The following ABR variants were observed in gnomAD, a reference collection of about 807,000 sequenced individuals.
The protein encoded by ABR is active breakpoint cluster region-related protein.
In ABR, 35 loss-of-function variants were observed where a neutral mutation model predicts 107.2. The ratio of observed to expected loss-of-function variants is 0.33; its 90% CI spans 0.25 to 0.43. The LOEUF (loss-of-function observed/expected upper bound fraction) is 0.43, where lower values mean the gene tolerates loss of function less well. ABR is among the 20% of genes least tolerant of loss of function. The pLI, the probability that ABR is intolerant of heterozygous loss-of-function variation, is 1.00. For missense variants in ABR, 815 were observed against 1,115.2 expected (o/e 0.73, Z 3.83); for synonymous variants, 498 against 462.0 (o/e 1.08, Z -1.00).
At chr17:1,090,493 G>A (rs1198868355) in intron 4 of ABR, among the ~76,000 whole-genome samples, 5 of 152,178 alleles carry the variant, frequency 3.3e-5, no homozygotes, top group Non-Finnish European at 7.3e-5. Flanking sequence ...AGGAAAAGGC[G>A]GCTGTGAGCA....
chr17:1,011,619 T>C lies in ABR; in HGVS notation c.2101+227A>G. The C allele has an allele frequency of 2.4e-6, 1 of 423,836 alleles. No homozygotes were observed. Among genetic ancestry groups the C allele is most frequent in the East Asian group, 3.7e-5 (1 of 27,036 alleles). 26.3% of individuals were successfully genotyped at this position (423,836 alleles called of 1,614,324 possible). On this transcript the variant is annotated intron_variant, in intron 19 of 22. Coordinates refer to ENST00000302538, the MANE Select transcript of ABR (RefSeq NM_021962.5). The surrounding 1 kb of genome is among the most constrained non-coding windows in gnomAD (Gnocchi z 4.8). ...CCAAAACCTACAAGTTGGGTCATCC[T>C]GGGCAAGTGAGTCGGCCCTTGTGAG... is the stretch of plus-strand genomic sequence containing the variant.
intron 1 of ABR, among the ~76,000 whole-genome samples, chr17:1,226,362 T>C (rs577231803): frequency 7.9e-5 from 12 of 152,332 alleles, no homozygotes; most frequent in Admixed American, 3.9e-4. Context: ...CACATGTATG[T>C]GGCAGTGTGC....
At chr17:1,088,795 G>A (rs1212852793) in intron 4 of ABR, among the ~76,000 whole-genome samples, 1 of 151,700 alleles carries the variant, frequency 6.6e-6, no homozygotes, top group East Asian at 1.9e-4. Flanking sequence ...CACCATGTTG[G>A]CCAAGCTGGT....
chr17:1,077,369 G>A (rs746917775), intron 6 of ABR, among the ~76,000 whole-genome samples: 8 of 152,278 alleles, frequency 5.3e-5, no homozygotes, highest in Admixed American at 3.3e-4. Flanking sequence ...TCACTGAGTC[G>A]AAGCTTCCTT....
chr17:1,108,914 A>T (rs759531204), intron 2 of ABR: 6 of 1,568,058 alleles, frequency 3.8e-6, no homozygotes, highest in East Asian at 2.5e-5. Context: ...CCCAGCGCCC[A>T]GGGCGTGTCA....
intron 2 of ABR, chr17:1,115,501 G>T (rs907237435): frequency 6.6e-6 from 1 of 152,540 alleles, no homozygotes; most frequent in African/African-American, 2.4e-5. Flanking sequence ...TGCCAGGGCA[G>T]TTGCAGCCAC....
chr17:1,179,797 G>T lies in ABR; in HGVS notation c.-70C>A. 1 of 440,284 alleles carries T rather than the reference G, an allele frequency of 2.3e-6. No individual in the cohort carries two copies. Among genetic ancestry groups the T allele is most frequent in the South Asian group, 2.2e-5 (1 of 46,362 alleles). The allele number at this position is 440,284 out of a possible 1,614,324, so 27.3% of individuals were successfully genotyped here. On this transcript the variant is annotated 5_prime_UTR_variant, in exon 1 of 23. Transcript: ENST00000302538. This position sits in a 1 kb window ranked among gnomAD's most constrained non-coding sequence, Gnocchi z 4.9. Reference sequence around the variant, plus strand: ...CGCAACAAAGGAGGGAGAGCGGGCGGGAGCCGGGGGAGGCCGAAGTTGCGA... The same window carrying T: ...CGCAACAAAGGAGGGAGAGCGGGCGTGAGCCGGGGGAGGCCGAAGTTGCGA...
At chr17:1,212,006 C>T (rs897407803) in intron 1 of ABR, among the ~76,000 whole-genome samples, 1 of 151,682 alleles carries the variant, frequency 6.6e-6, no homozygotes, top group East Asian at 1.9e-4. Flanking sequence ...TGCTTGAACT[C>T]GGGAGGTGGA....
Position 1,079,171 on chromosome 17 carries a change from C to T in ABR, c.700+159G>A, listed in dbSNP as rs865923994. ...TAGAGTCCTCGCGTGCGCGCACACG[C>T]GCACTCAGCTCACACTCACACGCGC... On this transcript the variant is annotated intron_variant, in intron 6 of 22. Coordinates refer to ENST00000302538, the MANE Select transcript of ABR (RefSeq NM_021962.5). 90 of 1,463,794 alleles carry T rather than the reference C, an allele frequency of 6.1e-5. 1 individual carries two copies. In the African/African-American group the frequency reaches 7.4e-4, roughly 12 times the overall value. 90.7% of individuals were successfully genotyped at this position (1,463,794 alleles called of 1,614,324 possible). A position where few individuals can be genotyped will look rare whatever the true frequency, so the allele number is the denominator to read the frequency against.
rs1219598445 is a variant in ABR at position 1,154,027 on chromosome 17, G to C, written c.61+25640C>G. 6.4e-6 allele frequency: 1 copy of C among 156,262 alleles called. No homozygotes were observed. 9.7% of individuals were successfully genotyped at this position (156,262 alleles called of 1,614,324 possible). A position where few individuals can be genotyped will look rare whatever the true frequency, so the allele number is the denominator to read the frequency against. On this transcript the variant is annotated intron_variant, in intron 1 of 22. Coordinates refer to ENST00000302538, the MANE Select transcript of ABR (RefSeq NM_021962.5). This position sits in a 1 kb window ranked among gnomAD's most constrained non-coding sequence, Gnocchi z 4.0. ...CTCACATGGCTCTGCTCCCACTCGG[G>C]GGCGGGCGCGTGGGAGGACCAACGA...
intron 1 of ABR, among the ~76,000 whole-genome samples, chr17:1,159,413 G>A (rs79512641): frequency 3.5e-5 from 3 of 85,540 alleles, no homozygotes; most frequent in African/African-American, 9.2e-5. Flanking sequence ...GTAGGAATGC[G>A]GTACTCACAC....
At chr17:1,132,553 A>G (rs1003724619) in intron 1 of ABR, among the ~76,000 whole-genome samples, 1 of 151,694 alleles carries the variant, frequency 6.6e-6, no homozygotes, top group Non-Finnish European at 1.5e-5. Flanking sequence ...TAATTGTTGT[A>G]TTTTTAGTAA....
chr17:1,196,844 A>G (rs933959473), intron 1 of ABR, among the ~76,000 whole-genome samples: 3 of 151,638 alleles, frequency 2.0e-5, no homozygotes, highest in Non-Finnish European at 4.4e-5. Flanking sequence ...ACAGGCGCCC[A>G]CCACCGTGCC....
intron 6 of ABR, among the ~76,000 whole-genome samples, chr17:1,074,380 C>A (rs1269665551): frequency 3.7e-5 from 5 of 136,342 alleles, no homozygotes; most frequent in African/African-American, 1.4e-4. Flanking sequence ...CCACGCCCCG[C>A]AGAGTCCAGC....
rs925629928 is a variant in ABR at position 1,092,287 on chromosome 17, A to G, written c.346-437T>C. 5.9e-5 allele frequency among the ~76,000 whole-genome samples: 9 copies of G among 152,240 alleles called. No homozygotes were observed. Among genetic ancestry groups the G allele is most frequent in the African/African-American group, 1.9e-4 (8 of 41,470 alleles). On this transcript the variant is annotated intron_variant, in intron 3 of 22. Coordinates refer to ENST00000302538, the MANE Select transcript of ABR (RefSeq NM_021962.5). The surrounding 1 kb of genome is among the most constrained non-coding windows in gnomAD (Gnocchi z 4.6). Reference sequence around the variant, plus strand: ...GAAACAGAATGTGGTTCTAGGACTCAGAAGGTAGGGACCCGAAGTTACTCA... The same window carrying G: ...GAAACAGAATGTGGTTCTAGGACTCGGAAGGTAGGGACCCGAAGTTACTCA...
intron 12 of ABR, 176 bp downstream of exon 12, chr17:1,057,794 A>G: frequency 1.7e-6 from 1 of 596,994 alleles, no homozygotes; most frequent in Non-Finnish European, 3.0e-6. Context: ...TCAGCCAATC[A>G]GTTAGATTCT....
intron 2 of ABR, among the ~76,000 whole-genome samples, chr17:1,112,823 CTCCCCACAGTCT>C (rs1339078231): frequency 6.6e-6 from 1 of 152,290 alleles, no homozygotes; most frequent in East Asian, 1.9e-4. Flanking sequence ...CAATGGTTGA[CTCCCCACAGTCT>C]TCCCCCACAC....
intron 4 of ABR, among the ~76,000 whole-genome samples, chr17:1,089,316 C>A (rs1302525630): frequency 6.6e-6 from 1 of 152,066 alleles, no homozygotes; most frequent in African/African-American, 2.4e-5. Flanking sequence ...TTACAGGCGT[C>A]AGCCACCACA....
At chr17:1,068,091 C>A (rs1269722774) in intron 9 of ABR, among the ~76,000 whole-genome samples, 1 of 152,188 alleles carries the variant, frequency 6.6e-6, no homozygotes, top group Non-Finnish European at 1.5e-5. Context: ...TGCCATCACA[C>A]CCAGCTAATT....
Sources: gnomAD v4.1 joint callset for allele counts (sites outside exome capture counted in the v4.1 genomes callset) on GRCh38, gnomAD v4.1.1 for gene constraint, Gnocchi (gnomAD v3.1) non-coding constraint, MANE v1.5 for transcripts, NCBI Gene and HGNC (gene_info 2026-07-23, HGNC 2026-07-21) for gene names.